LRMDA: variants seen among roughly 807,000 people sequenced by gnomAD.
LRMDA encodes leucine-rich melanocyte differentiation-associated protein.
In LRMDA, 18 loss-of-function variants were observed where a neutral mutation model predicts 29.8. The ratio of observed to expected loss-of-function variants is 0.60; its 90% CI spans 0.42 to 0.90. The LOEUF (loss-of-function observed/expected upper bound fraction) is 0.90, where lower values mean the gene tolerates loss of function less well. Among genes scored for constraint, LRMDA ranks in the 40% least tolerant of loss-of-function variants. LRMDA has a pLI of 0.00. For synonymous variants in LRMDA, 125 were observed against 109.4 expected, an observed-to-expected ratio of 1.14 and a Z score of -0.89; for missense variants, 273 against 273.9, an observed-to-expected ratio of 1.00 and a Z score of 0.02.
At chr10:75,843,383 C>T (rs912006275) in intron 2 of LRMDA, among the ~76,000 whole-genome samples, 1 of 152,162 alleles carries the variant, frequency 6.6e-6, no homozygotes, top group Non-Finnish European at 1.5e-5. Flanking sequence ...TGAGTTCCAT[C>T]CTGAAGGATA....
chr10:76,223,278 T>TAATAAA (rs1157577021), intron 5 of LRMDA, among the ~76,000 whole-genome samples: 4 of 151,820 alleles, frequency 2.6e-5, no homozygotes, highest in African/African-American at 9.7e-5. Flanking sequence ...ATAATAATAA[T>TAATAAA]AAAAAAGAGT....
rs386371855 is a variant in LRMDA at position 75,632,782 on chromosome 10, G to GTTTT, written c.131+194312_131+194315dup. ...TAGTTTTTTTGTTTAGTTTAGTTTA[G>GTTTT]TTTTTTTTTTTTTTTTTTTTTTTTT... On this transcript the variant is annotated intron_variant, in intron 2 of 6. Transcript: ENST00000611255. Among the ~76,000 whole-genome samples the GTTTT allele has an allele frequency of 1.0e-3, 45 of 43,250 alleles. 8 individuals are homozygous for GTTTT. Among genetic ancestry groups the GTTTT allele is most frequent in the Non-Finnish European group, 1.5e-3 (32 of 21,688 alleles). 28.4% of individuals were successfully genotyped at this position (43,250 alleles called of 152,430 possible). A position where few individuals can be genotyped will look rare whatever the true frequency, so the allele number is the denominator to read the frequency against.
At chr10:75,499,779 G>T (rs1845091741) in intron 2 of LRMDA, among the ~76,000 whole-genome samples, 1 of 152,108 alleles carries the variant, frequency 6.6e-6, no homozygotes, top group Admixed American at 6.5e-5. Flanking sequence ...TTTCATCTCA[G>T]TAGGAGGCAG....
chr10:75,535,087 T>C (rs1839931326), intron 2 of LRMDA, among the ~76,000 whole-genome samples: 1 of 152,250 alleles, frequency 6.6e-6, no homozygotes, highest in African/African-American at 2.4e-5. Flanking sequence ...TTACAATCTT[T>C]CACTATTTTT....
At chr10:76,093,358 A>G (rs1024834563) in intron 5 of LRMDA, among the ~76,000 whole-genome samples, 11 of 151,854 alleles carry the variant, frequency 7.2e-5, no homozygotes, top group African/African-American at 2.7e-4. Context: ...AAAAAAAAAA[A>G]AAGAAAGGAT....
intron 2 of LRMDA, among the ~76,000 whole-genome samples, chr10:75,886,795 C>T (rs9415126): frequency 0.22 from 32,909 of 152,070 alleles, 3,845 homozygotes; most frequent in Middle Eastern, 0.46. Context: ...TGCTCCAGCT[C>T]CTTCATTTTT....
intron 2 of LRMDA, among the ~76,000 whole-genome samples, chr10:75,563,603 G>C (rs761052492): frequency 1.3e-5 from 2 of 152,158 alleles, no homozygotes; most frequent in East Asian, 3.8e-4. Context: ...GAGGAGAGGC[G>C]CTCTGCTTTT....
chr10:76,036,521 G>T (rs896289228), intron 3 of LRMDA, among the ~76,000 whole-genome samples: 1 of 152,216 alleles, frequency 6.6e-6, no homozygotes, highest in Non-Finnish European at 1.5e-5. Context: ...ACCTCTGGTG[G>T]GAAGTCCCGG....
chr10:76,214,182 C>T (rs570656056), intron 5 of LRMDA, among the ~76,000 whole-genome samples: 16 of 152,160 alleles, frequency 1.1e-4, no homozygotes, highest in Non-Finnish European at 1.9e-4. Context: ...GTTGGGAAAA[C>T]GGAGTTCCAG....
intron 6 of LRMDA, among the ~76,000 whole-genome samples, chr10:76,376,002 G>T (rs997528577): frequency 4.6e-5 from 7 of 150,952 alleles, no homozygotes; most frequent in South Asian, 2.1e-4. Context: ...ATAGTTTTTG[G>T]GTTTTTTTTA....
chr10:76,207,665 A>G (rs946199112), intron 5 of LRMDA, among the ~76,000 whole-genome samples: 25 of 152,080 alleles, frequency 1.6e-4, no homozygotes, highest in Admixed American at 1.6e-3. Context: ...TCCCCTCCAT[A>G]AAATATGCTC....
intron 2 of LRMDA, among the ~76,000 whole-genome samples, chr10:75,472,314 A>G (rs973069708): frequency 2.6e-5 from 4 of 152,306 alleles, no homozygotes; most frequent in Admixed American, 2.0e-4. Flanking sequence ...AGAAGGGCCT[A>G]CCATTTATGC....
At chr10:75,710,856 A>T (rs1842427184) in intron 2 of LRMDA, among the ~76,000 whole-genome samples, 2 of 152,204 alleles carry the variant, frequency 1.3e-5, no homozygotes, top group Admixed American at 1.3e-4. Context: ...CAGTGATGCA[A>T]GGTGTGGCAA....
intron 2 of LRMDA, among the ~76,000 whole-genome samples, chr10:76,000,340 C>T (rs1468464680): frequency 1.3e-5 from 2 of 152,104 alleles, no homozygotes; most frequent in Non-Finnish European, 2.9e-5. Context: ...GCTCCTACTG[C>T]GGTGTCTCCT....
intron 5 of LRMDA, among the ~76,000 whole-genome samples, chr10:76,183,874 A>G (rs1851097097): frequency 6.6e-6 from 1 of 152,070 alleles, no homozygotes; most frequent in African/African-American, 2.4e-5. Flanking sequence ...GTGTACCACA[A>G]TGCCTGGCTA....
At chr10:75,595,026 A>C (rs1326243266) in intron 2 of LRMDA, among the ~76,000 whole-genome samples, 2 of 152,110 alleles carry the variant, frequency 1.3e-5, no homozygotes, top group Admixed American at 6.5e-5. Context: ...TTCTTCCTCT[A>C]TCTCATTATG....
chr10:76,230,434 A>AC (rs1852036798), intron 5 of LRMDA, among the ~76,000 whole-genome samples: 1 of 152,136 alleles, frequency 6.6e-6, no homozygotes, highest in African/African-American at 2.4e-5. Context: ...AAAAATGAGT[A>AC]AACACTATTA....
chr10:75,481,328 A>G (rs868725171), intron 2 of LRMDA, among the ~76,000 whole-genome samples: 5 of 152,248 alleles, frequency 3.3e-5, no homozygotes, highest in African/African-American at 1.2e-4. Flanking sequence ...GTGCTTTGCC[A>G]GAGGCTGGGG....
At chr10:75,915,858 G>C (rs1387749445) in intron 2 of LRMDA, among the ~76,000 whole-genome samples, 4 of 152,256 alleles carry the variant, frequency 2.6e-5, no homozygotes, top group African/African-American at 9.6e-5. Flanking sequence ...CAGTGAGTTG[G>C]TGTCATAAAA....
Sources: allele counts gnomAD v4.1 joint callset (sites outside exome capture counted in the v4.1 genomes callset), GRCh38; gene constraint gnomAD v4.1.1; transcripts MANE v1.5; gene names NCBI Gene and HGNC (gene_info 2026-07-23, HGNC 2026-07-21).